The following COL17A1 variants were observed in gnomAD, a reference collection of about 807,000 sequenced individuals.
COL17A1 encodes the protein collagen type XVII alpha 1 chain.
A neutral mutation model predicts 218.4 loss-of-function variants in COL17A1; 181 were observed. The observed-to-expected ratio is 0.83, with a 90% CI of 0.73 to 0.94. COL17A1 has a LOEUF of 0.94. Ranked by LOEUF, COL17A1 falls within the 40% of genes least tolerant of loss-of-function variation. COL17A1 has a pLI of 0.00. For synonymous variants in COL17A1, 721 were observed against 731.0 expected (o/e 0.99, Z 0.22); for missense variants, 1,924 against 1,945.9 (o/e 0.99, Z 0.21).
rs1044796291 is a variant in COL17A1 at position 104,074,207 on chromosome 10, G to A, written c.356C>T (p.Pro119Leu). ...YEGSSSGNSS[P>L]EYPRKEFASS... ...ACCAAATTCCTTCCGAGGGTACTCC[G>A]GAGAAGAGTTGCCACTGGAGCTCCC... is the stretch of plus-strand genomic sequence containing the variant. Residue 119 changes from proline (P) to leucine (L), a missense_variant, in exon 6 of 56, where the codon CCG becomes CTG. Pro to Leu is a moderately conservative substitution (Grantham distance 98, BLOSUM62 -3). Coordinates refer to ENST00000648076, the MANE Select transcript of COL17A1 (RefSeq NM_000494.4). 5.0e-6 allele frequency: 8 copies of A among 1,614,208 alleles called. No homozygotes were observed. The highest frequency in any genetic ancestry group is 1.7e-5 in the Admixed American group (1 of 60,026).
chr10:104,070,520 T>C lies in COL17A1; in HGVS notation c.513A>G (p.Ala171=), dbSNP rs369850140. 21 of 1,614,174 alleles carry C rather than the reference T, an allele frequency of 1.3e-5. No homozygotes were observed. The highest frequency in any genetic ancestry group is 1.2e-4 in the African/African-American group (9 of 75,016). The change falls in exon 9 of 56, where the codon GCA becomes GCG. Residue 171 remains alanine (A), a synonymous_variant. Transcript: ENST00000648076. ...VKRLLKGSRS[A]SVSPTRNSSN... ...AGGAATTCCGGGTGGGGCTCACACT[T>C]GCCGATCGACTCCCCTTGAGCAAAC...
At chr10:104,043,748 C>T in intron 34 of COL17A1, 77 bp downstream of exon 34, 1 of 1,580,728 alleles carries the variant, frequency 6.3e-7, no homozygotes. Context: ...ACATCCTGCC[C>T]AGAACGCTGC....
intron 33 of COL17A1, 38 bp downstream of exon 33, chr10:104,045,720 A>G (rs773627556): frequency 4.5e-6 from 7 of 1,565,910 alleles, no homozygotes; most frequent in Non-Finnish European, 4.4e-6. Flanking sequence ...AAAAATGGCC[A>G]GTGAAAAGAA....
chr10:104,057,479 T>C (rs1589568907), intron 16 of COL17A1, among the ~76,000 whole-genome samples: 2 of 29,042 alleles, frequency 6.9e-5, no homozygotes, highest in Non-Finnish European at 2.5e-4. Context: ...TTGAATGAAA[T>C]AGGACAAGGA....
chr10:104,055,289 GA>G (rs1230197775), intron 19 of COL17A1, 82 bp downstream of exon 19: 3 of 1,604,706 alleles, frequency 1.9e-6, no homozygotes, highest in Non-Finnish European at 2.6e-6. Context: ...TTAGAACAAA[GA>G]AAAAGGCTTC....
Position 104,050,125 on chromosome 10 carries a change from C to T in COL17A1, c.2129-1G>A, listed in dbSNP as rs1229324212. On this transcript the variant is annotated splice_acceptor_variant, in intron 27 of 55. Transcript: ENST00000648076. LOFTEE classifies it high-confidence loss of function. ...CGAGGTCCTTTCTCACCCTGGTCACCTAAAGCAAACAAGGGGGAGGTGGAA... is the reference window on the plus strand; with the variant it reads ...CGAGGTCCTTTCTCACCCTGGTCACTTAAAGCAAACAAGGGGGAGGTGGAA... 1 of 1,614,136 alleles carries T rather than the reference C, an allele frequency of 6.2e-7. No homozygotes were observed. Among genetic ancestry groups the T allele is most frequent in the Non-Finnish European group, 8.5e-7 (1 of 1,180,014 alleles).
chr10:104,061,322 G>T, intron 13 of COL17A1, 83 bp downstream of exon 13: 2 of 1,353,172 alleles, frequency 1.5e-6, no homozygotes, highest in South Asian at 1.2e-5. Context: ...CATGTGTATT[G>T]GAAGGATACA....
rs1307900387 is a variant in COL17A1, at chr10:104,074,196, G to A, written c.367C>T (p.Arg123Trp). The change falls in exon 6 of 56, where the codon CGG becomes TGG. Residue 123 changes from arginine (R) to tryptophan (W), a missense_variant. By Grantham distance (101) the Arg-to-Trp change is moderately radical. Coordinates refer to ENST00000648076, the MANE Select transcript of COL17A1 (RefSeq NM_000494.4). The part of the protein sequence containing the change: ...SSGNSSPEYP[R>W]KEFASSSTRG... ...GGAGAGGACATACCAAATTCCTTCC[G>A]AGGGTACTCCGGAGAAGAGTTGCCA... The A allele has an allele frequency of 3.7e-6, 6 of 1,614,164 alleles. No individual in the cohort carries two copies. Among genetic ancestry groups the A allele is most frequent in the East Asian group, 2.2e-5 (1 of 44,884 alleles).
At position 104,036,514 on chromosome 10, in the gene COL17A1, A is replaced by G. The variant is rs1242466139; in HGVS notation, c.3396T>C (p.Ser1132=). 7 of 1,613,856 alleles carry G rather than the reference A, an allele frequency of 4.3e-6. No homozygotes were observed. In the East Asian group the frequency reaches 1.6e-4, roughly 36 times the overall value. ...TACTCGACATGTAGCTGAGAATGCGACTACTCAGCTCTGCATAGTCCAAAG... is the reference window on the plus strand; with the variant it reads ...TACTCGACATGTAGCTGAGAATGCGGCTACTCAGCTCTGCATAGTCCAAAG... The part of the protein sequence containing the change: ...LLSLDYAELS[S]RILSYMSSSG... The change falls in exon 48 of 56, where the codon AGT becomes AGC. Residue 1132 remains serine, a synonymous_variant. Transcript: ENST00000648076.
intron 14 of COL17A1, 73 bp from the exon 15 acceptor site, chr10:104,059,791 C>G: frequency 1.4e-6 from 2 of 1,465,568 alleles, no homozygotes; most frequent in Non-Finnish European, 1.9e-6. Flanking sequence ...GTTCCCCCCG[C>G]CCTTGCCCAC....
At chr10:104,051,607 G>T in intron 24 of COL17A1, 91 bp from the exon 25 acceptor site, 2 of 1,510,100 alleles carry the variant, frequency 1.3e-6, no homozygotes, top group Admixed American at 1.8e-5. Flanking sequence ...GGTTAGGGAC[G>T]CTGTCTTCCA....
At chr10:104,082,116 G>A (rs1302083538) in intron 1 of COL17A1, among the ~76,000 whole-genome samples, 3 of 152,144 alleles carry the variant, frequency 2.0e-5, no homozygotes, top group African/African-American at 7.2e-5. Context: ...CTTCTTGCTC[G>A]TTGGTGTTTT....
At chr10:104,048,339 T>G (rs77721876) in intron 29 of COL17A1, among the ~76,000 whole-genome samples, 1 of 152,220 alleles carries the variant, frequency 6.6e-6, no homozygotes, top group East Asian at 1.9e-4. Context: ...TCCCATTGCA[T>G]CTCAAGCGCC....
intron 7 of COL17A1, among the ~76,000 whole-genome samples, chr10:104,072,833 A>G (rs2086679611): frequency 6.6e-6 from 1 of 152,096 alleles, no homozygotes; most frequent in Non-Finnish European, 1.5e-5. Flanking sequence ...ATTTGGGGAG[A>G]TTTTGCTCAT....
At chr10:104,067,938 G>A (rs1327304999) in intron 9 of COL17A1, among the ~76,000 whole-genome samples, 4 of 152,082 alleles carry the variant, frequency 2.6e-5, no homozygotes, top group Non-Finnish European at 5.9e-5. Context: ...GAGACATAAT[G>A]TAAAAGGAAA....
intron 13 of COL17A1, 122 bp from the exon 14 acceptor site, chr10:104,060,402 T>C (rs1179323020): frequency 7.2e-7 from 1 of 1,379,614 alleles, no homozygotes; most frequent in African/African-American, 1.4e-5. Flanking sequence ...AGCAGGTGTG[T>C]ATGAGGGTCT....
intron 46 of COL17A1, among the ~76,000 whole-genome samples, 200 bp from the exon 47 acceptor site, chr10:104,037,313 A>C (rs1186182042): frequency 6.7e-6 from 1 of 149,320 alleles, no homozygotes; most frequent in Admixed American, 6.7e-5. Context: ...TAAGAAAGGA[A>C]GTTTATTTTT....
In COL17A1 at chr10:104,043,711, C is replaced by G. The variant is rs181515353; in HGVS notation, c.2434+114G>C. Reference sequence around the variant, plus strand: ...TCGCTGCTAAATTTCCCTCCTCCCCCGCTACTGATCCAAAAAACTCCCAGC... The same window carrying G: ...TCGCTGCTAAATTTCCCTCCTCCCCGGCTACTGATCCAAAAAACTCCCAGC... On this transcript the variant is annotated intron_variant, in intron 34 of 55. Transcript: ENST00000648076. 1.9e-5 allele frequency: 29 copies of G among 1,514,974 alleles called. No homozygotes were observed. The African/African-American group carries it at 2.3e-4, about 12-fold the overall frequency. The allele number at this position is 1,514,974 out of a possible 1,614,324, so 93.8% of individuals were successfully genotyped here.
In COL17A1 at chr10:104,050,137, A is replaced by T. The variant is rs1354846076; in HGVS notation, c.2129-13T>A. Reference sequence around the variant, plus strand: ...TCACCCTGGTCACCTAAAGCAAACAAGGGGGAGGTGGAAAAAGCCACAGTT... The same window carrying T: ...TCACCCTGGTCACCTAAAGCAAACATGGGGGAGGTGGAAAAAGCCACAGTT... On this transcript the variant is annotated splice_polypyrimidine_tract_variant and intron_variant, in intron 27 of 55. Transcript: ENST00000648076. The T allele has an allele frequency of 6.2e-7, 1 of 1,614,102 alleles. No individual in the cohort carries two copies. The highest frequency in any genetic ancestry group is 1.1e-5 in the South Asian group (1 of 91,062).
Sources: allele counts gnomAD v4.1 joint callset (sites outside exome capture counted in the v4.1 genomes callset), GRCh38; gene constraint gnomAD v4.1.1; transcripts MANE v1.5; gene names NCBI Gene and HGNC (gene_info 2026-07-23, HGNC 2026-07-21).